Variants in CDH18 observed in about 807,000 individuals in gnomAD.
The protein encoded by CDH18 is cadherin 18, also known as cadherin-18.
Under a neutral mutation model 67.9 loss-of-function variants are expected in CDH18, and 31 were observed. The ratio of observed to expected loss-of-function variants is 0.46; its 90% CI spans 0.34 to 0.62. CDH18 has a LOEUF of 0.62. Among genes scored for constraint, CDH18 ranks in the 20% least tolerant of loss-of-function variants. The pLI is 0.01. For synonymous variants in CDH18, 362 were observed against 347.2 expected (o/e 1.04, Z -0.48); for missense variants, 890 against 975.5 (o/e 0.91, Z 1.17).
intron 1 of CDH18, among the ~76,000 whole-genome samples, chr5:20,346,704 A>T (rs551429058): frequency 8.1e-4 from 123 of 152,192 alleles, no homozygotes; most frequent in African/African-American, 2.6e-3. Context: ...GTCCCTTCCC[A>T]TTAAGAACGT....
chr5:19,943,735 A>C (rs546713268), intron 2 of CDH18, among the ~76,000 whole-genome samples: 2 of 152,242 alleles, frequency 1.3e-5, no homozygotes, highest in South Asian at 4.1e-4. Flanking sequence ...TTAGAGTATT[A>C]TAGTGTTCTA....
chr5:20,358,640 C>T (rs1741826156), intron 1 of CDH18, among the ~76,000 whole-genome samples: 1 of 151,914 alleles, frequency 6.6e-6, no homozygotes, highest in Non-Finnish European at 1.5e-5. Context: ...AATATATATT[C>T]AATATGTTTA....
chr5:20,082,624 G>A (rs374416920), intron 2 of CDH18, among the ~76,000 whole-genome samples: 4 of 152,106 alleles, frequency 2.6e-5, no homozygotes, highest in Non-Finnish European at 5.9e-5. Flanking sequence ...ATATATTGAA[G>A]TCTAATTCCC....
At chr5:20,234,559 C>A (rs992531840) in intron 2 of CDH18, among the ~76,000 whole-genome samples, 2 of 151,914 alleles carry the variant, frequency 1.3e-5, no homozygotes, top group Admixed American at 6.6e-5. Context: ...GAAAGCAGGC[C>A]CTGAGCAGAC....
At chr5:20,224,160 C>G (rs1741432409) in intron 2 of CDH18, among the ~76,000 whole-genome samples, 1 of 152,050 alleles carries the variant, frequency 6.6e-6, no homozygotes, top group Admixed American at 6.6e-5. Flanking sequence ...TCTCTGAAAT[C>G]TAGTTACTAT....
intron 1 of CDH18, among the ~76,000 whole-genome samples, chr5:20,439,647 T>G (rs2150188382): frequency 6.6e-6 from 1 of 151,880 alleles, no homozygotes; most frequent in South Asian, 2.1e-4. Flanking sequence ...ATTTTATACT[T>G]GATATAACCC....
chr5:20,316,797 TTTC>T (rs1402401651), intron 1 of CDH18, among the ~76,000 whole-genome samples: 1 of 152,010 alleles, frequency 6.6e-6, no homozygotes, highest in African/African-American at 2.4e-5. Flanking sequence ...ACACATAATT[TTTC>T]TTTTTACAAA....
intron 5 of CDH18, among the ~76,000 whole-genome samples, chr5:19,709,045 C>T (rs1764352000): frequency 6.6e-6 from 1 of 151,458 alleles, no homozygotes; most frequent in African/African-American, 2.4e-5. Context: ...ACTTTCCTTT[C>T]AAACCTGTAC....
intron 5 of CDH18, among the ~76,000 whole-genome samples, chr5:19,649,828 T>G (rs1755314065): frequency 6.6e-6 from 1 of 151,984 alleles, no homozygotes; most frequent in Admixed American, 6.6e-5. Flanking sequence ...TATGTATTTG[T>G]TATTTCACCT....
At chr5:19,532,830 A>T (rs1423028056) in intron 9 of CDH18, among the ~76,000 whole-genome samples, 1 of 152,226 alleles carries the variant, frequency 6.6e-6, no homozygotes, top group Admixed American at 6.5e-5. Context: ...GATGTGGAAC[A>T]TGAGAGAGAA....
intron 1 of CDH18, among the ~76,000 whole-genome samples, chr5:20,256,972 A>ATCTGTCTAATC (rs374238378): frequency 3.1e-4 from 44 of 141,312 alleles, no homozygotes; most frequent in Middle Eastern, 3.6e-3. Context: ...TAATCTATCT[A>ATCTGTCTAATC]TATCTATATC....
At chr5:20,144,403 TTC>T (rs1387376512) in intron 2 of CDH18, among the ~76,000 whole-genome samples, 2 of 152,162 alleles carry the variant, frequency 1.3e-5, no homozygotes, top group Non-Finnish European at 2.9e-5. Context: ...TCCTTCCAAC[TTC>T]TCTCTTTTGG....
chr5:20,436,797 T>C (rs1046078248), intron 1 of CDH18, among the ~76,000 whole-genome samples: 1 of 147,452 alleles, frequency 6.8e-6, no homozygotes, highest in African/African-American at 2.5e-5. Context: ...ATTTGACAGA[T>C]GCCAAAAACT....
chr5:19,873,840 G>A (rs1786619690), intron 2 of CDH18, among the ~76,000 whole-genome samples: 1 of 152,094 alleles, frequency 6.6e-6, no homozygotes, highest in African/African-American at 2.4e-5. Context: ...TAGAGATGGG[G>A]TTTCACCATG....
Position 19,503,009 on chromosome 5 carries a change from G to A in CDH18, c.1613C>T (p.Thr538Ile). The part of the protein sequence containing the change: ...DERLPVNPNF[T>I]LKDNEDNTAS... ...ATGTTCACCTTCATTGTCCTTCAGA[G>A]TGAAGTTTGGATTTACAGGCAGGCG... Residue 538 changes from threonine (T) to isoleucine (I), a missense_variant, in exon 11 of 13, where the codon ACT (threonine) becomes ATT (isoleucine). Around this residue, in one of 2 missense-constraint regions of CDH18, gnomAD observed 656 missense variants for 668.1 expected, o/e 0.98. Transcript: ENST00000382275. The A allele has an allele frequency of 6.3e-7, 1 of 1,598,774 alleles. No individual in the cohort carries two copies. Among genetic ancestry groups the A allele is most frequent in the Non-Finnish European group, 8.6e-7 (1 of 1,166,288 alleles).
chr5:20,173,258 C>T (rs1736981995), intron 2 of CDH18, among the ~76,000 whole-genome samples: 1 of 152,086 alleles, frequency 6.6e-6, no homozygotes, highest in Non-Finnish European at 1.5e-5. Flanking sequence ...GTGACAATTG[C>T]TCTAAACCAA....
At chr5:20,501,593 A>T (rs968946578) in intron 1 of CDH18, among the ~76,000 whole-genome samples, 9 of 11,068 alleles carry the variant, frequency 8.1e-4, no homozygotes, top group South Asian at 5.5e-3. Flanking sequence ...ATATATATAT[A>T]TTATATATAT....
At chr5:20,532,887 T>C (rs1044116455) in intron 1 of CDH18, among the ~76,000 whole-genome samples, 41 of 151,712 alleles carry the variant, frequency 2.7e-4, no homozygotes, top group African/African-American at 9.7e-4. Context: ...TATTGTTTCA[T>C]AAACTCTTTT....
chr5:19,625,776 T>G (rs1473118418), intron 5 of CDH18, among the ~76,000 whole-genome samples: 1 of 150,834 alleles, frequency 6.6e-6, no homozygotes, highest in African/African-American at 2.4e-5. Flanking sequence ...TGCACTGGGG[T>G]AGAGCCACAG....
Sources: gnomAD v4.1 joint callset for allele counts (sites outside exome capture counted in the v4.1 genomes callset) on GRCh38, gnomAD v4.1.1 for gene constraint, gnomAD v4.1.1 regional missense constraint, MANE v1.5 for transcripts, NCBI Gene and HGNC (gene_info 2026-07-23, HGNC 2026-07-21) for gene names.